INO80D: variants seen among roughly 807,000 people sequenced by gnomAD.
INO80D encodes INO80 complex subunit D.
In INO80D, 21 loss-of-function variants were observed where a neutral mutation model predicts 87.6. The ratio of observed to expected loss-of-function variants is 0.24; its 90% CI spans 0.17 to 0.35. The LOEUF (loss-of-function observed/expected upper bound fraction) is 0.35. Ranked by LOEUF, INO80D falls within the 10% of genes least tolerant of loss-of-function variation. The pLI is 1.00. For synonymous variants in INO80D, 440 were observed against 491.0 expected (o/e 0.90, Z 1.37); for missense variants, 982 against 1,280.7 (o/e 0.77, Z 3.56).
rs1381522818 is a variant in INO80D, at chr2:205,998,678, A to G, written c.*5690T>C. Reference sequence around the variant, plus strand: ...AGTTTTAAAGCTGTGCGTGATGGGAAAGGATTCTGTATTCTGAAGCTGAGA... The same window carrying G: ...AGTTTTAAAGCTGTGCGTGATGGGAGAGGATTCTGTATTCTGAAGCTGAGA... On this transcript the variant is annotated 3_prime_UTR_variant, in exon 11 of 11. Coordinates refer to ENST00000403263, the MANE Select transcript of INO80D (RefSeq NM_017759.5). 6.6e-6 allele frequency: 1 copy of G among 152,140 alleles called. No homozygotes were observed. Among genetic ancestry groups the G allele is most frequent in the Non-Finnish European group, 1.5e-5 (1 of 68,018 alleles). The allele number at this position is 152,140 out of a possible 1,614,324, so 9.4% of individuals were successfully genotyped here. A position where few individuals can be genotyped will look rare whatever the true frequency, so the allele number is the denominator to read the frequency against.
At chr2:206,007,527 G>A in intron 9 of INO80D, 86 bp from the exon 10 acceptor site, 1 of 1,456,756 alleles carries the variant, frequency 6.9e-7, no homozygotes, top group Non-Finnish European at 9.2e-7. Context: ...AACATGAAAA[G>A]AAGCTAACGT....
intron 4 of INO80D, among the ~76,000 whole-genome samples, chr2:206,053,378 C>G (rs1487465010): frequency 6.6e-6 from 1 of 151,980 alleles, no homozygotes; most frequent in Non-Finnish European, 1.5e-5. Context: ...TACAAAACAG[C>G]ATGTATAGTA....
intron 1 of INO80D, among the ~76,000 whole-genome samples, chr2:206,074,091 A>G (rs900184983): frequency 6.6e-6 from 1 of 152,188 alleles, no homozygotes; most frequent in African/African-American, 2.4e-5. Context: ...TAACAGTTCT[A>G]GCAAATACCA....
At chr2:206,025,236 T>C (rs909917942) in intron 6 of INO80D, among the ~76,000 whole-genome samples, 2 of 151,368 alleles carry the variant, frequency 1.3e-5, no homozygotes, top group Admixed American at 1.3e-4. Flanking sequence ...CATATGAAAA[T>C]ATAATAACTG....
At chr2:206,043,695 G>A (rs1559449602) in intron 5 of INO80D, among the ~76,000 whole-genome samples, 1 of 151,792 alleles carries the variant, frequency 6.6e-6, no homozygotes, top group Non-Finnish European at 1.5e-5. Flanking sequence ...CACCGCGTTA[G>A]CCAGGATGGT....
At chr2:206,034,578 T>C (rs1428442201) in intron 5 of INO80D, among the ~76,000 whole-genome samples, 1 of 152,134 alleles carries the variant, frequency 6.6e-6, no homozygotes, top group East Asian at 1.9e-4. Flanking sequence ...AAAATTGGCA[T>C]ACAAGGGACA....
chr2:206,056,546 G>A lies in INO80D; in HGVS notation c.616C>T (p.Pro206Ser), dbSNP rs547831183. ...PPPAPSQQQP[P>S]QQHSHLSPLS... ...GGTGACAGGTGGGAGTGCTGCTGCG[G>A]AGGCTGCTGCTGTGAAGGTGCAGGA... Residue 206 changes from proline to serine, a missense_variant, in exon 4 of 11, where the codon CCG (proline) becomes TCG (serine). Coordinates refer to ENST00000403263, the MANE Select transcript of INO80D (RefSeq NM_017759.5). 1.2e-5 allele frequency: 20 copies of A among 1,613,172 alleles called. No individual in the cohort carries two copies. The African/African-American group carries it at 1.7e-4, about 14-fold the overall frequency.
At chr2:206,052,342 C>T (rs1296326675) in intron 4 of INO80D, among the ~76,000 whole-genome samples, 1 of 152,056 alleles carries the variant, frequency 6.6e-6, no homozygotes, top group Non-Finnish European at 1.5e-5. Context: ...TACAGGCACG[C>T]TCCACCACGC....
At position 206,016,720 on chromosome 2, in the gene INO80D, T is replaced by G. The variant is rs1688327662; in HGVS notation, c.1542+960A>C. Among the ~76,000 whole-genome samples, 3 of 152,184 alleles carry G rather than the reference T, an allele frequency of 2.0e-5. No homozygotes were observed. In the South Asian group the frequency reaches 6.2e-4, roughly 31 times the overall value. Reference sequence around the variant, plus strand: ...GACCTGGTGGGAGACGACTGAATTATGGGGCAGGTCTTTCCTGTTGTCTTT... The same window carrying G: ...GACCTGGTGGGAGACGACTGAATTAGGGGGCAGGTCTTTCCTGTTGTCTTT... On this transcript the variant is annotated intron_variant, in intron 8 of 10. Transcript: ENST00000403263.
At chr2:206,083,951 G>A (rs1051932035) in intron 1 of INO80D, among the ~76,000 whole-genome samples, 2 of 151,844 alleles carry the variant, frequency 1.3e-5, no homozygotes, top group Admixed American at 6.6e-5. Context: ...GCAGTGGGGG[G>A]TGGCAGGGTC....
At position 205,999,008 on chromosome 2, in the gene INO80D, T is replaced by C. The variant is rs1013822718; in HGVS notation, c.*5360A>G. On this transcript the variant is annotated 3_prime_UTR_variant, in exon 11 of 11. Transcript: ENST00000403263. ...AGCACTAATCCACTGGAGCCAACTG[T>C]ACCTTAATGATGCAGGTTGGAGTCA... is the stretch of plus-strand genomic sequence containing the variant. 6.6e-6 allele frequency: 1 copy of C among 152,174 alleles called. No individual in the cohort carries two copies. The highest frequency in any genetic ancestry group is 2.4e-5 in the African/African-American group (1 of 41,430). 9.4% of individuals were successfully genotyped at this position (152,174 alleles called of 1,614,324 possible).
At chr2:206,043,890 G>T (rs1689126010) in intron 5 of INO80D, among the ~76,000 whole-genome samples, 1 of 152,100 alleles carries the variant, frequency 6.6e-6, no homozygotes, top group South Asian at 2.1e-4. Flanking sequence ...AATAAAGATG[G>T]AAGTTTAAAA....
At chr2:206,082,859 T>C (rs1232319314) in intron 1 of INO80D, among the ~76,000 whole-genome samples, 2 of 152,214 alleles carry the variant, frequency 1.3e-5, no homozygotes, top group African/African-American at 4.8e-5. Context: ...AAATGTTTAA[T>C]TCCTTCTAAA....
At chr2:206,073,128 C>T (rs2105903622) in intron 1 of INO80D, among the ~76,000 whole-genome samples, 1 of 152,128 alleles carries the variant, frequency 6.6e-6, no homozygotes, top group African/African-American at 2.4e-5. Context: ...TGAGCCACCA[C>T]AACCAGCCTG....
chr2:206,021,757 C>G (rs1688471157), intron 6 of INO80D, among the ~76,000 whole-genome samples: 1 of 152,018 alleles, frequency 6.6e-6, no homozygotes, highest in Admixed American at 6.5e-5. Flanking sequence ...GGATTACAGG[C>G]ACCTGCCACC....
chr2:206,036,539 C>T (rs1575829388), intron 5 of INO80D, among the ~76,000 whole-genome samples: 1 of 151,986 alleles, frequency 6.6e-6, no homozygotes, highest in African/African-American at 2.4e-5. Context: ...CTATGAGGAC[C>T]CAAAGGCATA....
intron 1 of INO80D, among the ~76,000 whole-genome samples, chr2:206,069,067 C>T (rs1036143600): frequency 3.0e-4 from 46 of 152,106 alleles, no homozygotes; most frequent in African/African-American, 1.1e-3. Flanking sequence ...CATATTTCAT[C>T]TTAATCCTAT....
chr2:206,027,177 C>CACAG (rs752566797), intron 6 of INO80D, among the ~76,000 whole-genome samples: 13 of 149,362 alleles, frequency 8.7e-5, no homozygotes, highest in African/African-American at 3.2e-4. Flanking sequence ...CACACACACA[C>CACAG]AGAGAAAGAC....
intron 4 of INO80D, among the ~76,000 whole-genome samples, chr2:206,054,115 C>T (rs1385033057): frequency 6.6e-6 from 1 of 152,054 alleles, no homozygotes; most frequent in African/African-American, 2.4e-5. Context: ...GCTGGGATTA[C>T]AGGCATGAGC....
Sources: allele counts gnomAD v4.1 joint callset (sites outside exome capture counted in the v4.1 genomes callset), GRCh38; gene constraint gnomAD v4.1.1; transcripts MANE v1.5; gene names NCBI Gene and HGNC (gene_info 2026-07-23, HGNC 2026-07-21).